Variants in LRRC42 observed in about 807,000 individuals in gnomAD.
LRRC42 encodes leucine-rich repeat-containing protein 42.
A neutral mutation model predicts 44.3 loss-of-function variants in LRRC42; 43 were observed. That is an observed-to-expected ratio of 0.97 (90% CI 0.76 to 1.25). The LOEUF is 1.25. Among genes scored for constraint, LRRC42 ranks in the 50% most tolerant of loss-of-function variants. The pLI is 0.00. For missense variants in LRRC42, 540 were observed against 509.1 expected (o/e 1.06, Z -0.58); for synonymous variants, 207 against 195.2 (o/e 1.06, Z -0.50).
intron 4 of LRRC42, among the ~76,000 whole-genome samples, chr1:53,958,913 C>G (rs1654921660): frequency 6.7e-6 from 1 of 150,234 alleles, no homozygotes; most frequent in Admixed American, 6.6e-5. Flanking sequence ...TAGACGGAGT[C>G]TTGCTCTTGT....
chr1:53,956,947 A>G (rs531717752), intron 3 of LRRC42, among the ~76,000 whole-genome samples: 2 of 152,378 alleles, frequency 1.3e-5, no homozygotes, highest in African/African-American at 4.8e-5. Flanking sequence ...CAATTAAAAT[A>G]CATCTGAGTA....
Position 53,952,479 on chromosome 1 carries a change from G to A in LRRC42, c.473+7G>A. ...CCCTGTGTTTGCGAAACAGGTGGGT[G>A]TTCTGATTAGATTATTCGGTATTTT... On this transcript the variant is annotated splice_region_variant and intron_variant, in intron 3 of 8. Coordinates refer to ENST00000371370, the MANE Select transcript of LRRC42 (RefSeq NM_001256409.2). 1 of 1,580,930 alleles carries A rather than the reference G, an allele frequency of 6.3e-7. No individual in the cohort carries two copies. The highest frequency in any genetic ancestry group is 8.6e-7 in the Non-Finnish European group (1 of 1,159,138).
chr1:53,955,727 C>T (rs1557645600), intron 3 of LRRC42, among the ~76,000 whole-genome samples: 1 of 150,296 alleles, frequency 6.7e-6, no homozygotes, highest in Admixed American at 6.7e-5. Context: ...CTCCCGGGTT[C>T]ACGCAATTCT....
intron 7 of LRRC42, 70 bp downstream of exon 7, chr1:53,962,479 C>A: frequency 1.1e-6 from 1 of 949,646 alleles, no homozygotes. Flanking sequence ...TTATCCAACA[C>A]ATTGAATAAA....
At chr1:53,967,501 C>A (rs750685478) in intron 8 of LRRC42, among the ~76,000 whole-genome samples, 164 bp from the exon 9 acceptor site, 2 of 152,160 alleles carry the variant, frequency 1.3e-5, no homozygotes, top group Non-Finnish European at 2.9e-5. Context: ...ACCTGTGCCG[C>A]CATGCACACC....
chr1:53,957,942 T>A (rs905420130), intron 3 of LRRC42, among the ~76,000 whole-genome samples: 1 of 151,030 alleles, frequency 6.6e-6, no homozygotes, highest in Non-Finnish European at 1.5e-5. Flanking sequence ...TCAAAATTTT[T>A]ATTCTACCAT....
Position 53,962,139 on chromosome 1 carries a change from C to T in LRRC42, c.813+17C>T, listed in dbSNP as rs552299807. ...GGGCTCAAGGTAAGACTTTTGGTTC[C>T]TTCTCTCATTTTTCTAGACTCAACA... On this transcript the variant is annotated intron_variant, in intron 6 of 8. Coordinates refer to ENST00000371370, the MANE Select transcript of LRRC42 (RefSeq NM_001256409.2). 2.0e-5 allele frequency: 32 copies of T among 1,595,720 alleles called. No homozygotes were observed. In the African/African-American group the frequency reaches 2.8e-4, roughly 14 times the overall value.
At position 53,967,877 on chromosome 1, in the gene LRRC42, C is replaced by G; in HGVS notation, c.1225C>G (p.Pro409Ala). ...GACAGAACAGAATAACTCTTCACAA[C>G]CTTCAAAGCAGAAATATGTATGTCT... ...SETEQNNSSQ[P>A]SKQKYVCLAV... is the part of the protein sequence containing the mutation. The change falls in exon 9 of 9, where the codon CCT (proline) becomes GCT (alanine). Residue 409 changes from proline (P) to alanine (A), a missense_variant. Transcript: ENST00000371370. 6.2e-7 allele frequency: 1 copy of G among 1,614,160 alleles called. No homozygotes were observed. Among genetic ancestry groups the G allele is most frequent in the Non-Finnish European group, 8.5e-7 (1 of 1,180,012 alleles).
chr1:53,962,126 A>G lies in LRRC42; in HGVS notation c.813+4A>G, dbSNP rs1457034878. 1 of 1,609,462 alleles carries G rather than the reference A, an allele frequency of 6.2e-7. No individual in the cohort carries two copies. Among genetic ancestry groups the G allele is most frequent in the South Asian group, 1.1e-5 (1 of 90,452 alleles). ...TATCTCTGGGACAGGGCTCAAGGTA[A>G]GACTTTTGGTTCCTTCTCTCATTTT... On this transcript the variant is annotated splice_donor_region_variant and intron_variant, in intron 6 of 8. Coordinates refer to ENST00000371370, the MANE Select transcript of LRRC42 (RefSeq NM_001256409.2).
chr1:53,959,051 T>G (rs1654926216), intron 4 of LRRC42, among the ~76,000 whole-genome samples: 2 of 152,054 alleles, frequency 1.3e-5, no homozygotes, highest in African/African-American at 4.8e-5. Context: ...GCCGGCTAAT[T>G]TTTGTACTTT....
At chr1:53,960,297 A>T in intron 4 of LRRC42, 59 bp from the exon 5 acceptor site, 1 of 1,147,708 alleles carries the variant, frequency 8.7e-7, no homozygotes, top group African/African-American at 1.5e-5. Context: ...GCATGTTTTT[A>T]TACCTAGATT....
intron 2 of LRRC42, among the ~76,000 whole-genome samples, chr1:53,950,174 T>C (rs1654632875): frequency 6.6e-6 from 1 of 152,144 alleles, no homozygotes; most frequent in African/African-American, 2.4e-5. Flanking sequence ...AGGGAAGGTT[T>C]CCCAGAAGAG....
At chr1:53,964,587 T>A (rs1210651347) in intron 7 of LRRC42, among the ~76,000 whole-genome samples, 1 of 152,216 alleles carries the variant, frequency 6.6e-6, no homozygotes, top group Non-Finnish European at 1.5e-5. Context: ...GTTCTATTAA[T>A]CCATCCTGGT....
At chr1:53,953,698 G>A (rs1654755445) in intron 3 of LRRC42, among the ~76,000 whole-genome samples, 1 of 150,470 alleles carries the variant, frequency 6.6e-6, no homozygotes, top group African/African-American at 2.4e-5. Context: ...GTATACCACT[G>A]TATGAACTAT....
intron 4 of LRRC42, 92 bp downstream of exon 4, chr1:53,958,372 C>G: frequency 6.7e-7 from 1 of 1,498,578 alleles, no homozygotes; most frequent in Non-Finnish European, 9.1e-7. Context: ...CTGATTACTT[C>G]CCATTCTTAT....
At chr1:53,951,139 T>C (rs747195952) in intron 2 of LRRC42, among the ~76,000 whole-genome samples, 12 of 152,200 alleles carry the variant, frequency 7.9e-5, no homozygotes, top group Non-Finnish European at 1.6e-4. Context: ...CCAAGAAGTG[T>C]GTGGAATGTG....
intron 3 of LRRC42, among the ~76,000 whole-genome samples, chr1:53,957,450 T>A (rs1654871263): frequency 1.3e-5 from 2 of 152,232 alleles, no homozygotes; most frequent in Admixed American, 6.5e-5. Flanking sequence ...GCTGTTTTGA[T>A]CTCCTTTCCC....
intron 3 of LRRC42, among the ~76,000 whole-genome samples, chr1:53,955,323 G>T (rs1654807341): frequency 1.3e-5 from 2 of 152,008 alleles, no homozygotes; most frequent in East Asian, 3.9e-4. Context: ...CTGAGACAAG[G>T]TTTCACTCTG....
Position 53,955,762 on chromosome 1 carries a change from GGGACTACA to G in LRRC42, c.474-2384_474-2377del, listed in dbSNP as rs1193094229. 2.0e-5 allele frequency among the ~76,000 whole-genome samples: 3 copies of G among 150,544 alleles called. 1 individual carries two copies. The highest frequency in any genetic ancestry group is 7.1e-3 in the Middle Eastern group (2 of 282). ...TCCTGCCTCAGCCTCCCGAGTAGCT[GGGACTACA>G]GGTGCCCACCACCACGCCCGGCTGA... On this transcript the variant is annotated intron_variant, in intron 3 of 8. Coordinates refer to ENST00000371370, the MANE Select transcript of LRRC42 (RefSeq NM_001256409.2).
Sources: gnomAD v4.1 joint callset for allele counts (sites outside exome capture counted in the v4.1 genomes callset) on GRCh38, gnomAD v4.1.1 for gene constraint, MANE v1.5 for transcripts, NCBI Gene and HGNC (gene_info 2026-07-23, HGNC 2026-07-21) for gene names.